VPS13B: variants seen among roughly 807,000 people sequenced by gnomAD.
VPS13B encodes intermembrane lipid transfer protein VPS13B.
A neutral mutation model predicts 426.4 loss-of-function variants in VPS13B; 285 were observed. That is an observed-to-expected ratio of 0.67 (90% CI 0.61 to 0.74). The LOEUF (loss-of-function observed/expected upper bound fraction) is 0.74, where lower values mean the gene tolerates loss of function less well. Among genes scored for constraint, VPS13B ranks in the 30% least tolerant of loss-of-function variants. The pLI is 0.00. For missense variants in VPS13B, 4,537 were observed against 4,782.6 expected, an observed-to-expected ratio of 0.95 and a Z score of 1.51; for synonymous variants, 1,676 against 1,676.4, an observed-to-expected ratio of 1.00 and a Z score of 0.01.
chr8:99,371,692 C>T (rs909979241), intron 19 of VPS13B, among the ~76,000 whole-genome samples: 3 of 152,176 alleles, frequency 2.0e-5, no homozygotes, highest in Non-Finnish European at 4.4e-5. Context: ...ATTGATTCTT[C>T]CTGTCCATGA....
chr8:99,668,010 A>G (rs1328627188), intron 35 of VPS13B, among the ~76,000 whole-genome samples: 1 of 152,182 alleles, frequency 6.6e-6, no homozygotes. Context: ...AAGCACTACA[A>G]GTAATACTTT....
intron 22 of VPS13B, among the ~76,000 whole-genome samples, chr8:99,436,062 T>C (rs1817356009): frequency 1.3e-5 from 2 of 152,124 alleles, no homozygotes; most frequent in South Asian, 4.1e-4. Flanking sequence ...GAAGAGAGAA[T>C]GTCCTTGAAG....
At chr8:99,645,103 T>C (rs1829529665) in intron 34 of VPS13B, among the ~76,000 whole-genome samples, 1 of 152,140 alleles carries the variant, frequency 6.6e-6, no homozygotes, top group Non-Finnish European at 1.5e-5. Context: ...AGGATCTGAA[T>C]TGGAGGTTCT....
At chr8:99,764,487 C>G (rs1811106221) in intron 39 of VPS13B, among the ~76,000 whole-genome samples, 1 of 146,298 alleles carries the variant, frequency 6.8e-6, no homozygotes, top group South Asian at 2.2e-4. Context: ...GATCTTGGCT[C>G]ATGGCAACCT....
intron 33 of VPS13B, among the ~76,000 whole-genome samples, chr8:99,635,107 A>G (rs913010820): frequency 6.6e-5 from 10 of 152,002 alleles, no homozygotes; most frequent in Admixed American, 3.9e-4. Flanking sequence ...ATGTTTACAC[A>G]ATGAGGTGCA....
At chr8:99,806,132 G>A (rs1189816052) in intron 43 of VPS13B, among the ~76,000 whole-genome samples, 1 of 152,168 alleles carries the variant, frequency 6.6e-6, no homozygotes. Flanking sequence ...CACTTATAGG[G>A]AAGATATCAG....
rs201718862 is a variant in VPS13B, at chr8:99,511,049, T to TAA, written c.4225-55_4225-54insAA. On this transcript the variant is annotated intron_variant, in intron 28 of 61. Transcript: ENST00000357162. ...GAGGTCATTTTCTTCTTTCCAATTT[T>TAA]TAAAAAAAATCTTTTTAATGAACTG... 8.1e-6 allele frequency: 13 copies of TAA among 1,597,694 alleles called. No individual in the cohort carries two copies. The Admixed American group carries it at 1.2e-4, about 14-fold the overall frequency.
At chr8:99,399,738 G>A (rs892321352) in intron 21 of VPS13B, among the ~76,000 whole-genome samples, 2 of 152,172 alleles carry the variant, frequency 1.3e-5, no homozygotes, top group African/African-American at 4.8e-5. Context: ...AGCTCATAAA[G>A]AGATGTAATT....
chr8:99,706,270 C>T (rs1206464882), intron 36 of VPS13B, among the ~76,000 whole-genome samples: 33 of 152,100 alleles, frequency 2.2e-4, no homozygotes, highest in Non-Finnish European at 7.4e-5. Context: ...AGAAAACAGG[C>T]TCCCAGCAGC....
At chr8:99,840,659 A>G (rs764245636) in intron 54 of VPS13B, among the ~76,000 whole-genome samples, 44 of 152,210 alleles carry the variant, frequency 2.9e-4, no homozygotes, top group Non-Finnish European at 7.3e-5. Context: ...TAAACTATAC[A>G]GTATAAGATA....
chr8:99,868,583 C>A (rs1004674490), intron 59 of VPS13B, 118 bp downstream of exon 59: 3 of 1,193,280 alleles, frequency 2.5e-6, no homozygotes, highest in African/African-American at 3.0e-5. Context: ...ATCTTTCTTA[C>A]CTCTCTATGC....
intron 43 of VPS13B, among the ~76,000 whole-genome samples, chr8:99,788,297 T>A (rs1190491523): frequency 2.0e-5 from 3 of 148,926 alleles, no homozygotes; most frequent in African/African-American, 7.4e-5. Context: ...TACCTGTAGT[T>A]CTAGCTACTT....
intron 30 of VPS13B, among the ~76,000 whole-genome samples, chr8:99,534,010 C>T (rs772773490): frequency 6.6e-6 from 1 of 152,166 alleles, no homozygotes; most frequent in Non-Finnish European, 1.5e-5. Flanking sequence ...TATCTGGTGA[C>T]ATTATGACCC....
rs147751950 is a variant in VPS13B, at chr8:99,672,586, C to T, written c.6046+11095C>T. Among the ~76,000 whole-genome samples, 1,095 of 152,122 alleles carry T rather than the reference C, an allele frequency of 7.2e-3. 14 individuals are homozygous for T. The highest frequency in any genetic ancestry group is 0.025 in the African/African-American group (1,047 of 41,516). On this transcript the variant is annotated intron_variant, in intron 35 of 61. Transcript: ENST00000357162. ...AAAACCTTAAATGTTATAAGGTTAT[C>T]TGTGGAGACAATTTAAATTCACCTT...
intron 43 of VPS13B, chr8:99,797,247 T>A (rs1388919820): frequency 3.4e-5 from 5 of 148,026 alleles, no homozygotes; most frequent in Admixed American, 3.4e-4. Context: ...TTTATTATTA[T>A]TTTTTTTTTT....
rs752817569 is a variant in VPS13B, at chr8:99,486,144, T to C, written c.3870+4342T>C. Among the ~76,000 whole-genome samples, 40 of 152,180 alleles carry C rather than the reference T, an allele frequency of 2.6e-4. 1 individual carries two copies. The highest frequency in any genetic ancestry group is 6.5e-5 in the Admixed American group (1 of 15,280). ...ATTTCAGGGAACCTTGGGCAGTTTT[T>C]AGGTTTCTTTATCAACAAGGGTTTG... is the stretch of plus-strand genomic sequence containing the variant. On this transcript the variant is annotated intron_variant, in intron 25 of 61. Coordinates refer to ENST00000357162, the MANE Select transcript of VPS13B (RefSeq NM_152564.5).
At position 99,142,978 on chromosome 8, in the gene VPS13B, C is replaced by T. The variant is rs766281883; in HGVS notation, c.1656C>T (p.Ser552=). 3.1e-6 allele frequency: 5 copies of T among 1,612,776 alleles called. No individual in the cohort carries two copies. Among genetic ancestry groups the T allele is most frequent in the South Asian group, 2.2e-5 (2 of 90,788 alleles). ...YTMENTSGKG[S]TNQQDFSSGK... is the part of the protein sequence containing the mutation. The stretch of plus-strand genomic sequence containing the variant: ...ATAAAATTTGACTTCTTTTAGGTTC[C>T]ACAAATCAACAAGACTTTTCTTCAG... The change falls in exon 13 of 62, where the codon TCC becomes TCT. Residue 552 remains serine (S), a synonymous_variant. Transcript: ENST00000357162.
Position 99,817,664 on chromosome 8 carries a change from C to T in VPS13B, c.8222C>T (p.Thr2741Ile), listed in dbSNP as rs775503350. The change falls in exon 45 of 62, where the codon ACA (threonine) becomes ATA (isoleucine). Residue 2741 changes from threonine (T) to isoleucine (I), a missense_variant. By Grantham distance (89) the Thr-to-Ile change is moderately conservative (BLOSUM62 -1). This residue lies in a region of VPS13B where 4,311 missense variants were observed against 4,474.3 expected (regional missense o/e 0.96). Coordinates refer to ENST00000357162, the MANE Select transcript of VPS13B (RefSeq NM_152564.5). ...AVVREHFDCL[T>I]AKQKLPSYIL... ...GTTCGGGAACATTTTGACTGCCTCA[C>T]AGCCAAACAGAAATTGCCTTCGTAC... is the stretch of plus-strand genomic sequence containing the variant. 1.2e-6 allele frequency: 2 copies of T among 1,614,064 alleles called. No individual in the cohort carries two copies. The highest frequency in any genetic ancestry group is 1.1e-5 in the South Asian group (1 of 91,076).
At chr8:99,848,688 G>A in intron 54 of VPS13B, 88 bp from the exon 55 acceptor site, 2 of 1,177,802 alleles carry the variant, frequency 1.7e-6, no homozygotes, top group South Asian at 2.4e-5. Context: ...TTGTGGTATT[G>A]AATCAGAACT....
Sources: allele counts gnomAD v4.1 joint callset (sites outside exome capture counted in the v4.1 genomes callset), GRCh38; gene constraint gnomAD v4.1.1; regional missense constraint gnomAD v4.1.1; transcripts MANE v1.5; gene names NCBI Gene and HGNC (gene_info 2026-07-23, HGNC 2026-07-21).